Variants in LRFN5 observed in about 807,000 individuals in gnomAD.
LRFN5 encodes leucine-rich repeat and fibronectin type-III domain-containing protein 5.
LRFN5 carries 24 observed loss-of-function variants against 45.6 expected under a neutral mutation model. The ratio of observed to expected loss-of-function variants is 0.53; its 90% CI spans 0.38 to 0.74. LRFN5 has a LOEUF of 0.74. Ranked by LOEUF, LRFN5 falls within the 30% of genes least tolerant of loss-of-function variation. The probability of loss-of-function intolerance (pLI) is 0.00; values close to 1 mark genes in which losing one functional copy is unlikely to be tolerated. For synonymous variants in LRFN5, 340 were observed against 313.8 expected (o/e 1.08, Z -0.88); for missense variants, 776 against 861.5 (o/e 0.90, Z 1.24).
intron 2 of LRFN5, among the ~76,000 whole-genome samples, chr14:41,808,814 T>G (rs1283235172): frequency 6.6e-6 from 1 of 152,086 alleles, no homozygotes; most frequent in Non-Finnish European, 1.5e-5. Context: ...TTTCAGGCTT[T>G]GAGTGTCAAT....
intron 2 of LRFN5, among the ~76,000 whole-genome samples, chr14:41,880,213 C>A (rs1021707753): frequency 2.0e-5 from 3 of 151,948 alleles, no homozygotes; most frequent in African/African-American, 7.2e-5. Flanking sequence ...AGGTGTGAGC[C>A]ACCGCGCCCG....
At chr14:41,716,441 T>C (rs61990339) in intron 1 of LRFN5, among the ~76,000 whole-genome samples, 22,585 of 152,246 alleles carry the variant, frequency 0.15, 2,120 homozygotes, top group Non-Finnish European at 0.22. Context: ...TTCAGTGCTT[T>C]GCTGCTTAGA....
chr14:41,666,673 A>G (rs1411070914), intron 1 of LRFN5, among the ~76,000 whole-genome samples: 1 of 152,114 alleles, frequency 6.6e-6, no homozygotes, highest in Admixed American at 6.6e-5. Flanking sequence ...TGGCTAAGGC[A>G]TTGTCCAACT....
chr14:41,731,969 G>A (rs965919625), intron 1 of LRFN5: 1 of 152,146 alleles, frequency 6.6e-6, no homozygotes, highest in Non-Finnish European at 1.5e-5. Context: ...GGCATAGTGA[G>A]AAGCACCAGA....
chr14:41,869,844 G>A lies in LRFN5; in HGVS notation c.-20-16762G>A, dbSNP rs116436657. Among the ~76,000 whole-genome samples the A allele has an allele frequency of 7.2e-3, 1,096 of 152,174 alleles. 13 individuals carry two copies. Among genetic ancestry groups the A allele is most frequent in the African/African-American group, 0.025 (1,048 of 41,532 alleles). On this transcript the variant is annotated intron_variant, in intron 2 of 5. Transcript: ENST00000298119. ...TCAGTTATCTCACACTGGGTCCCTCGCATGACACATGGGAATTGTGGGAGC... is the reference window on the plus strand; with the variant it reads ...TCAGTTATCTCACACTGGGTCCCTCACATGACACATGGGAATTGTGGGAGC...
chr14:41,791,047 C>A (rs1277343629), intron 2 of LRFN5, among the ~76,000 whole-genome samples: 1 of 151,566 alleles, frequency 6.6e-6, no homozygotes, highest in Non-Finnish European at 1.5e-5. Context: ...CAGAGTTTTA[C>A]TCTATATATT....
At chr14:41,676,241 G>T (rs1432901665) in intron 1 of LRFN5, among the ~76,000 whole-genome samples, 2 of 152,204 alleles carry the variant, frequency 1.3e-5, no homozygotes, top group African/African-American at 4.8e-5. Context: ...TTCTGAAGAA[G>T]CAAGCTGAGA....
chr14:41,756,843 G>A (rs940414067), intron 1 of LRFN5, among the ~76,000 whole-genome samples: 2 of 152,154 alleles, frequency 1.3e-5, no homozygotes, highest in Non-Finnish European at 2.9e-5. Context: ...CTGATTTTTA[G>A]AGTTTCCAGT....
At chr14:41,845,520 G>C (rs1232139956) in intron 2 of LRFN5, among the ~76,000 whole-genome samples, 3 of 151,824 alleles carry the variant, frequency 2.0e-5, no homozygotes, top group African/African-American at 7.2e-5. Context: ...TTCTTTCTTT[G>C]TTCTTGTTTT....
At chr14:41,856,675 A>ATTATTATTATTTTTTTTTTATT in intron 2 of LRFN5, among the ~76,000 whole-genome samples, 1 of 18,328 alleles carries the variant, frequency 5.5e-5, no homozygotes, top group African/African-American at 1.3e-4. Context: ...TATTATTATT[A>ATTATTATTATTTTTTTTTTATT]TTTTTTTTTT....
intron 1 of LRFN5, among the ~76,000 whole-genome samples, chr14:41,683,713 T>G (rs1379635022): frequency 6.6e-6 from 1 of 151,988 alleles, no homozygotes; most frequent in African/African-American, 2.4e-5. Context: ...ACAAATGGCA[T>G]AAAATACTTA....
chr14:41,674,973 G>A (rs1285933176), intron 1 of LRFN5, among the ~76,000 whole-genome samples: 1 of 151,824 alleles, frequency 6.6e-6, no homozygotes, highest in Non-Finnish European at 1.5e-5. Context: ...CGGGGCGGCA[G>A]GGCAAAGTCG....
At chr14:41,780,052 T>C (rs1473610461) in intron 2 of LRFN5, among the ~76,000 whole-genome samples, 2 of 151,948 alleles carry the variant, frequency 1.3e-5, no homozygotes, top group Non-Finnish European at 2.9e-5. Context: ...ATTTATATCT[T>C]TTTTTCTAAT....
intron 1 of LRFN5, among the ~76,000 whole-genome samples, chr14:41,647,523 A>G (rs1017437898): frequency 6.6e-6 from 1 of 152,210 alleles, no homozygotes; most frequent in Non-Finnish European, 1.5e-5. Flanking sequence ...ATGTAGAAGT[A>G]CAATCTACAA....
At chr14:41,746,659 T>A (rs1173318358) in intron 1 of LRFN5, among the ~76,000 whole-genome samples, 1 of 151,788 alleles carries the variant, frequency 6.6e-6, no homozygotes, top group East Asian at 1.9e-4. Context: ...CTCACAAAAA[T>A]TTTTTAAAAA....
At chr14:41,877,153 G>T (rs78804205) in intron 2 of LRFN5, among the ~76,000 whole-genome samples, 2 of 151,908 alleles carry the variant, frequency 1.3e-5, no homozygotes, top group African/African-American at 2.4e-5. Context: ...CTTTCTATAC[G>T]ACTGTGAGAA....
At chr14:41,786,916 A>G (rs963024788) in intron 2 of LRFN5, among the ~76,000 whole-genome samples, 2 of 151,982 alleles carry the variant, frequency 1.3e-5, no homozygotes, top group East Asian at 1.9e-4. Flanking sequence ...CTACTCTGCT[A>G]TGAATACCAT....
intron 1 of LRFN5, among the ~76,000 whole-genome samples, chr14:41,752,339 C>G (rs1367116840): frequency 6.6e-6 from 1 of 152,194 alleles, no homozygotes; most frequent in African/African-American, 2.4e-5. Context: ...GGAATCGCCA[C>G]ACTGACTTCC....
At chr14:41,773,478 AAT>A (rs748508484) in intron 2 of LRFN5, among the ~76,000 whole-genome samples, 5 of 152,120 alleles carry the variant, frequency 3.3e-5, no homozygotes, top group Non-Finnish European at 7.4e-5. Context: ...AGTCTACATC[AAT>A]TTTGCTCAAC....
Sources: allele counts gnomAD v4.1 joint callset (sites outside exome capture counted in the v4.1 genomes callset), GRCh38; gene constraint gnomAD v4.1.1; transcripts MANE v1.5; gene names NCBI Gene and HGNC (gene_info 2026-07-23, HGNC 2026-07-21).